Variants in PIGP observed in about 807,000 individuals in gnomAD.
PIGP encodes phosphatidylinositol N-acetylglucosaminyltransferase subunit P.
Under a neutral mutation model 16.9 loss-of-function variants are expected in PIGP, and 12 were observed. The observed-to-expected ratio is 0.71, with a 90% CI of 0.46 to 1.15. PIGP has a LOEUF of 1.15. PIGP is among the 50% of genes most tolerant of loss of function. PIGP has a pLI of 0.00. For missense variants in PIGP, 159 were observed against 153.5 expected, an observed-to-expected ratio of 1.04 and a Z score of -0.19; for synonymous variants, 57 against 54.7, an observed-to-expected ratio of 1.04 and a Z score of -0.18.
chr21:37,068,053 G>C (rs1345010790), intron 3 of PIGP, among the ~76,000 whole-genome samples: 5 of 150,642 alleles, frequency 3.3e-5, no homozygotes, highest in Non-Finnish European at 4.4e-5. Context: ...CTGTCACCCA[G>C]GCTGGAGTGC....
At position 37,067,301 on chromosome 21, in the gene PIGP, T is replaced by A. The variant is rs749720006; in HGVS notation, c.235A>T (p.Met79Leu). The change falls in exon 4 of 5, where the codon ATG (methionine) becomes TTG (leucine). Residue 79 changes from methionine to leucine, a missense_variant. Coordinates refer to ENST00000360525, the MANE Select transcript of PIGP (RefSeq NM_153682.3). ...GYVLLFGINM[M>L]STSPLDSIHT... ...ATGGAGTCGAGTGGAGAGGTACTCA[T>A]CATGTTAATCCCAAACAAGAGCACG... is the stretch of plus-strand genomic sequence containing the variant. The A allele has an allele frequency of 6.2e-7, 1 of 1,610,350 alleles. No individual in the cohort carries two copies. The highest frequency in any genetic ancestry group is 2.2e-5 in the East Asian group (1 of 44,862).
intron 3 of PIGP, among the ~76,000 whole-genome samples, 158 bp from the exon 4 acceptor site, chr21:37,067,538 C>T (rs1351611604): frequency 6.6e-6 from 1 of 152,170 alleles, no homozygotes; most frequent in Non-Finnish European, 1.5e-5. Flanking sequence ...CAGTGAAAAA[C>T]TGCAGTCCTC....
At chr21:37,072,201 C>A (rs1369754716) in intron 2 of PIGP, 1 of 1,585,108 alleles carries the variant, frequency 6.3e-7, no homozygotes, top group Non-Finnish European at 8.7e-7. Flanking sequence ...CAGGCTTTAT[C>A]CACTTTGCCA....
chr21:37,072,793 G>T (rs1057104899), intron 1 of PIGP: 5 of 573,294 alleles, frequency 8.7e-6, no homozygotes, highest in African/African-American at 5.9e-5. Flanking sequence ...AGCTCTGCAA[G>T]CGTGGCCTCC....
intron 2 of PIGP, 131 bp downstream of exon 2, chr21:37,072,303 C>T (rs747298980): frequency 1.2e-5 from 20 of 1,601,270 alleles, no homozygotes; most frequent in Non-Finnish European, 1.7e-5. Flanking sequence ...GAGATCCCTT[C>T]AGATTTTCTT....
chr21:37,066,382 T>C (rs2069903513), intron 4 of PIGP, among the ~76,000 whole-genome samples: 1 of 152,212 alleles, frequency 6.6e-6, no homozygotes, highest in African/African-American at 2.4e-5. Flanking sequence ...CAATCAAGAA[T>C]GCATGGAATG....
rs764525385 is a variant in PIGP, at chr21:37,067,372, GC to G, written c.163del (p.Ala55GlnfsTer12). 1 of 1,565,028 alleles carries G rather than the reference GC, an allele frequency of 6.4e-7. No homozygotes were observed. ...AAGGAGGTAGACAGGTAATGCAACT[GC>G]CCAATATCTGCCAAAGAGAATATTA... ...GLTYWPQKYW[A>X]VALPVYLLIA... On this transcript the variant is annotated frameshift_variant, in exon 4 of 5. Coordinates refer to ENST00000360525, the MANE Select transcript of PIGP (RefSeq NM_153682.3). LOFTEE classifies it high-confidence loss of function.
chr21:37,072,701 A>C, intron 1 of PIGP, 164 bp from the exon 2 acceptor site: 4 of 1,130,576 alleles, frequency 3.5e-6, no homozygotes, highest in Non-Finnish European at 5.0e-6. Context: ...ACAGACACCC[A>C]GGCTGGCGCG....
chr21:37,065,484 TTAA>T lies in PIGP; in HGVS notation c.*95_*97del. ...TCAACTTACATTTTTTACTTCTCTATTAATAAGAGAGATGGTCAAATTAATTTA... is the reference window on the plus strand; with the variant it reads ...TCAACTTACATTTTTTACTTCTCTATTAAGAGAGATGGTCAAATTAATTTA... On this transcript the variant is annotated 3_prime_UTR_variant, in exon 5 of 5. Transcript: ENST00000360525. The T allele has an allele frequency of 8.2e-7, 1 of 1,217,000 alleles. No individual in the cohort carries two copies. The highest frequency in any genetic ancestry group is 1.1e-6 in the Non-Finnish European group (1 of 871,130). 75.4% of individuals were successfully genotyped at this position (1,217,000 alleles called of 1,614,324 possible). A position where few individuals can be genotyped will look rare whatever the true frequency, so the allele number is the denominator to read the frequency against.
At chr21:37,070,839 G>C (rs556053171) in intron 2 of PIGP, among the ~76,000 whole-genome samples, 1 of 152,126 alleles carries the variant, frequency 6.6e-6, no homozygotes, top group Non-Finnish European at 1.5e-5. Flanking sequence ...CTCAGCTCAC[G>C]GCAACCTCCG....
At chr21:37,072,795 G>A (rs2298684) in intron 1 of PIGP, 253,061 of 561,236 alleles carry the variant, frequency 0.45, 58,511 homozygotes, top group Non-Finnish European at 0.49. Flanking sequence ...CTCTGCAAGC[G>A]TGGCCTCCCT....
chr21:37,067,460 T>G, intron 3 of PIGP, 80 bp from the exon 4 acceptor site: 1 of 783,158 alleles, frequency 1.3e-6, no homozygotes, highest in Non-Finnish European at 2.2e-6. Context: ...AAAGCCAACA[T>G]GTTTTTTAAA....
chr21:37,068,271 A>G (rs922885469), intron 3 of PIGP, among the ~76,000 whole-genome samples: 8 of 151,450 alleles, frequency 5.3e-5, no homozygotes, highest in Non-Finnish European at 1.2e-4. Flanking sequence ...TAATAGTTTG[A>G]ATTTTTAACG....
At chr21:37,068,535 T>TA (rs567755047) in intron 3 of PIGP, among the ~76,000 whole-genome samples, 126 of 152,296 alleles carry the variant, frequency 8.3e-4, no homozygotes, top group African/African-American at 2.8e-3. Flanking sequence ...CAAATTCCCT[T>TA]TAATTTTCTG....
chr21:37,065,560 T>A lies in PIGP; in HGVS notation c.*22A>T. ...AACTTATAAATAAATACGTGCTTGG[T>A]GTTACTATGGTTACACACAGTTCAG... On this transcript the variant is annotated 3_prime_UTR_variant, in exon 5 of 5. Transcript: ENST00000360525. The A allele has an allele frequency of 6.2e-7, 1 of 1,601,480 alleles. No individual in the cohort carries two copies. The highest frequency in any genetic ancestry group is 8.5e-7 in the Non-Finnish European group (1 of 1,176,228).
At chr21:37,070,020 C>T (rs1174363612) in intron 2 of PIGP, among the ~76,000 whole-genome samples, 3 of 152,194 alleles carry the variant, frequency 2.0e-5, no homozygotes, top group African/African-American at 4.8e-5. Flanking sequence ...CCCTAGTTCT[C>T]ATCCACCACA....
In PIGP at chr21:37,072,433, C is replaced by T. The variant is rs755213101; in HGVS notation, c.82+1G>A. On this transcript the variant is annotated splice_donor_variant, in intron 2 of 4. Transcript: ENST00000360525. LOFTEE classifies it high-confidence loss of function. Reference sequence around the variant, plus strand: ...TGGCCATCCATCAGGAAAGTACTTACTGAAGCCAAATTGGGAGCTTAAGAA... The same window carrying T: ...TGGCCATCCATCAGGAAAGTACTTATTGAAGCCAAATTGGGAGCTTAAGAA... The T allele has an allele frequency of 4.3e-6, 7 of 1,614,148 alleles. No individual in the cohort carries two copies. The highest frequency in any genetic ancestry group is 5.9e-6 in the Non-Finnish European group (7 of 1,179,954).
chr21:37,072,647 T>TCCCGGGCCTCCGTCCGCAA, intron 1 of PIGP, 110 bp from the exon 2 acceptor site: 6 of 1,572,814 alleles, frequency 3.8e-6, no homozygotes, highest in Non-Finnish European at 5.2e-6. Context: ...CAGAACCGCC[T>TCCCGGGCCTCCGTCCGCAA]CCCGCGCCTC....
At chr21:37,072,845 C>T (rs781206910) in intron 1 of PIGP, 155 bp downstream of exon 1, 33 of 474,590 alleles carry the variant, frequency 7.0e-5, no homozygotes, top group Non-Finnish European at 1.2e-4. Flanking sequence ...GCGCGGCGCC[C>T]ACCAGCATGC....
Sources: gnomAD v4.1 joint callset for allele counts (sites outside exome capture counted in the v4.1 genomes callset) on GRCh38, gnomAD v4.1.1 for gene constraint, MANE v1.5 for transcripts, NCBI Gene and HGNC (gene_info 2026-07-23, HGNC 2026-07-21) for gene names.